Variants in ASPRV1 observed in about 807,000 individuals in gnomAD.
ASPRV1 encodes retroviral-like aspartic protease 1.
In ASPRV1, 7 loss-of-function variants were observed where a neutral mutation model predicts 11.0. The observed-to-expected ratio is 0.64, with a 90% CI of 0.36 to 1.20. The LOEUF (loss-of-function observed/expected upper bound fraction) is 1.20. ASPRV1 is among the 50% of genes most tolerant of loss of function. ASPRV1 has a pLI of 0.02. For synonymous variants in ASPRV1, 136 were observed against 138.4 expected (o/e 0.98, Z 0.12); for missense variants, 299 against 320.0 (o/e 0.93, Z 0.50).
the ASPRV1 span, among the ~76,000 whole-genome samples, chr2:69,953,001 T>A: frequency 6.6e-6 from 1 of 152,262 alleles, no homozygotes; most frequent in Non-Finnish European, 1.5e-5. Context: ...TCAGGCCTTC[T>A]GCCCTGCCTC....
At chr2:69,978,715 G>A in the ASPRV1 span, among the ~76,000 whole-genome samples, 4 of 152,132 alleles carry the variant, frequency 2.6e-5, no homozygotes, top group African/African-American at 4.8e-5. Context: ...CCCGAACACC[G>A]GAAGCAAACC....
Position 69,961,177 on chromosome 2 carries a change from G to T in ASPRV1, c.260C>A (p.Ala87Asp). Residue 87 changes from alanine (A) to aspartate (D), a missense_variant, in exon 1 of 1, where the codon GCC becomes GAC. Ala to Asp is a moderately radical substitution (Grantham distance 126). Coordinates refer to ENST00000320256, the MANE Select transcript of ASPRV1 (RefSeq NM_152792.4). ...YGTVKEALLK[A>D]FGVPGAAPSH... ...GGGGGCAGCCCCAGGGACCCCAAAG[G>T]CCTTCAGGAGGGCCTCTTTCACAGT... 6.2e-7 allele frequency: 1 copy of T among 1,613,794 alleles called. No homozygotes were observed. The highest frequency in any genetic ancestry group is 8.5e-7 in the Non-Finnish European group (1 of 1,179,774).
chr2:70,022,175 C>T, the ASPRV1 span, among the ~76,000 whole-genome samples: 16 of 151,244 alleles, frequency 1.1e-4, no homozygotes, highest in East Asian at 2.2e-3. Context: ...CCACCATGCC[C>T]GGCTAATTTT....
chr2:70,011,423 G>A, the ASPRV1 span, among the ~76,000 whole-genome samples: 1 of 152,158 alleles, frequency 6.6e-6, no homozygotes, highest in Non-Finnish European at 1.5e-5. Flanking sequence ...GGCAGTGGTG[G>A]TGGGGCTGGA....
the ASPRV1 span, chr2:69,937,336 G>A: frequency 9.9e-6 from 16 of 1,614,038 alleles, no homozygotes; most frequent in African/African-American, 1.7e-4. Context: ...GCATTGAGAG[G>A]ATCCGGATGG....
At chr2:69,972,669 G>C in the ASPRV1 span, among the ~76,000 whole-genome samples, 1 of 151,966 alleles carries the variant, frequency 6.6e-6, no homozygotes, top group East Asian at 1.9e-4. Flanking sequence ...CCGTCCTCTC[G>C]GTTTTCATGA....
chr2:70,044,820 G>C, the ASPRV1 span, among the ~76,000 whole-genome samples: 2 of 152,150 alleles, frequency 1.3e-5, no homozygotes, highest in Non-Finnish European at 2.9e-5. Context: ...GGTGCCACCA[G>C]CTCCAGTACA....
chr2:70,013,999 T>G, the ASPRV1 span, among the ~76,000 whole-genome samples: 1 of 152,246 alleles, frequency 6.6e-6, no homozygotes, highest in South Asian at 2.1e-4. Flanking sequence ...ATTTTAATGT[T>G]TATCATATTT....
chr2:70,016,992 C>T, the ASPRV1 span, among the ~76,000 whole-genome samples: 7 of 152,182 alleles, frequency 4.6e-5, no homozygotes, highest in South Asian at 1.2e-3. Flanking sequence ...GCCCTATGAT[C>T]ATCTCAATTT....
At chr2:69,992,937 A>T in the ASPRV1 span, among the ~76,000 whole-genome samples, 526 of 152,322 alleles carry the variant, frequency 3.5e-3, 2 homozygotes, top group Non-Finnish European at 5.6e-3. Flanking sequence ...GCCTTCTACT[A>T]GACTGTTGCT....
chr2:69,944,277 T>TTA, the ASPRV1 span, among the ~76,000 whole-genome samples: 4 of 152,348 alleles, frequency 2.6e-5, no homozygotes, highest in Non-Finnish European at 5.9e-5. Flanking sequence ...ATGACAAATC[T>TTA]TATTTCCGAA....
the ASPRV1 span, among the ~76,000 whole-genome samples, chr2:70,024,306 T>G: frequency 6.6e-6 from 1 of 152,186 alleles, no homozygotes; most frequent in Non-Finnish European, 1.5e-5. Flanking sequence ...TACTAGGATC[T>G]CCTCATAAAG....
the ASPRV1 span, chr2:70,056,577 C>G: frequency 1.7e-5 from 2 of 121,134 alleles, no homozygotes; most frequent in African/African-American, 7.3e-5. Context: ...TTCACTCCAG[C>G]CTGGGCGACA....
chr2:70,043,976 T>C, the ASPRV1 span, among the ~76,000 whole-genome samples: 2 of 152,090 alleles, frequency 1.3e-5, no homozygotes, highest in Non-Finnish European at 2.9e-5. Context: ...ACCAAGTATT[T>C]CTTTAGAGAC....
At chr2:69,969,588 C>G in the ASPRV1 span, among the ~76,000 whole-genome samples, 2 of 152,100 alleles carry the variant, frequency 1.3e-5, no homozygotes, top group East Asian at 3.9e-4. Flanking sequence ...GGCCATTCCC[C>G]CTCATTCCAC....
the ASPRV1 span, among the ~76,000 whole-genome samples, chr2:69,984,888 G>A: frequency 9.1e-4 from 131 of 144,400 alleles, no homozygotes; most frequent in African/African-American, 3.3e-3. Flanking sequence ...GCAGAGTCTC[G>A]CTCTGTCGCC....
chr2:70,072,080 T>G, the ASPRV1 span, among the ~76,000 whole-genome samples: 1 of 151,822 alleles, frequency 6.6e-6, no homozygotes, highest in Non-Finnish European at 1.5e-5. Context: ...GCCTCCCGAG[T>G]AGGTAGGATC....
the ASPRV1 span, among the ~76,000 whole-genome samples, chr2:70,080,366 G>A: frequency 2.0e-5 from 3 of 151,984 alleles, no homozygotes; most frequent in East Asian, 1.9e-4. Context: ...AGCTGGGATT[G>A]TAGGCATGTG....
At chr2:70,075,361 A>AAT in the ASPRV1 span, 4 of 150,142 alleles carry the variant, frequency 2.7e-5, no homozygotes, top group Non-Finnish European at 4.4e-5. Flanking sequence ...AAAAAAAAAA[A>AAT]AAAAAAAGCA....
Sources: gnomAD v4.1 joint callset for allele counts (sites outside exome capture counted in the v4.1 genomes callset) on GRCh38, gnomAD v4.1.1 for gene constraint, MANE v1.5 for transcripts, NCBI Gene and HGNC (gene_info 2026-07-23, HGNC 2026-07-21) for gene names.